EXOC4: variants seen among roughly 807,000 people sequenced by gnomAD.
The protein encoded by EXOC4 is exocyst complex component 4, also known as SEC8-like 1.
In EXOC4, 71 loss-of-function variants were observed where a neutral mutation model predicts 107.2. That is an observed-to-expected ratio of 0.66 (90% CI 0.55 to 0.81). The LOEUF is 0.81. Ranked by LOEUF, EXOC4 falls within the 30% of genes least tolerant of loss-of-function variation. The pLI, the probability that EXOC4 is intolerant of heterozygous loss-of-function variation, is 0.00. For synonymous variants in EXOC4, 456 were observed against 441.2 expected (o/e 1.03, Z -0.42); for missense variants, 1,108 against 1,189.6 (o/e 0.93, Z 1.01).
chr7:133,350,827 G>C (rs929895702), intron 5 of EXOC4, among the ~76,000 whole-genome samples: 3 of 151,814 alleles, frequency 2.0e-5, no homozygotes, highest in African/African-American at 7.3e-5. Flanking sequence ...GTGCACATGG[G>C]ATGCGTTTCC....
At chr7:133,827,369 G>A (rs1797726553) in intron 11 of EXOC4, among the ~76,000 whole-genome samples, 1 of 152,048 alleles carries the variant, frequency 6.6e-6, no homozygotes, top group African/African-American at 2.4e-5. Flanking sequence ...AAAGAAACAG[G>A]ATCTCATCTG....
At chr7:133,698,209 G>C (rs1562913062) in intron 10 of EXOC4, among the ~76,000 whole-genome samples, 1 of 152,068 alleles carries the variant, frequency 6.6e-6, no homozygotes, top group Non-Finnish European at 1.5e-5. Flanking sequence ...TCCGCGGCGG[G>C]GGTGGTGGTG....
chr7:133,968,566 C>G (rs1394254244), intron 14 of EXOC4, among the ~76,000 whole-genome samples: 2 of 152,164 alleles, frequency 1.3e-5, no homozygotes, highest in Admixed American at 1.3e-4. Flanking sequence ...ATTTGCTTGT[C>G]TGTAAAGGAT....
chr7:133,704,317 A>G (rs558455529), intron 10 of EXOC4, among the ~76,000 whole-genome samples: 4 of 152,270 alleles, frequency 2.6e-5, no homozygotes, highest in Admixed American at 6.5e-5. Context: ...TATCACTTTC[A>G]GCATGGAACT....
intron 11 of EXOC4, among the ~76,000 whole-genome samples, chr7:133,885,504 G>T (rs965841077): frequency 6.6e-5 from 10 of 152,252 alleles, no homozygotes; most frequent in African/African-American, 2.2e-4. Context: ...ACCTTGCAAG[G>T]TGTTAGAGAT....
At chr7:133,773,385 C>T (rs570839129) in intron 10 of EXOC4, among the ~76,000 whole-genome samples, 1 of 152,050 alleles carries the variant, frequency 6.6e-6, no homozygotes, top group African/African-American at 2.4e-5. Flanking sequence ...TAATGCCCTT[C>T]TGTCAATTCC....
At chr7:133,823,843 TTATATATATATATATATA>T (rs869279764) in intron 11 of EXOC4, among the ~76,000 whole-genome samples, 27 of 18,702 alleles carry the variant, frequency 1.4e-3, no homozygotes, top group African/African-American at 0.012. Flanking sequence ...TATATATATA[TTATATATATATATATATA>T]TATATATATA....
rs535020522 is a variant in EXOC4, at chr7:133,588,344, C to T, written c.1418-41701C>T. On this transcript the variant is annotated intron_variant, in intron 9 of 17. Transcript: ENST00000253861. ...TCTCCCCAGGGTTTCCCATTTCACCCTTTAAAAATATTAAATGATATCCTA... is the reference window on the plus strand; with the variant it reads ...TCTCCCCAGGGTTTCCCATTTCACCTTTTAAAAATATTAAATGATATCCTA... Among the ~76,000 whole-genome samples, 3 of 152,256 alleles carry T rather than the reference C, an allele frequency of 2.0e-5. No individual in the cohort carries two copies. The South Asian group carries it at 6.2e-4, about 32-fold the overall frequency.
At chr7:133,933,707 G>A (rs911886973) in intron 13 of EXOC4, among the ~76,000 whole-genome samples, 1 of 152,130 alleles carries the variant, frequency 6.6e-6, no homozygotes, top group Non-Finnish European at 1.5e-5. Context: ...TGTGTCTTCC[G>A]CAAGCCTGGA....
intron 4 of EXOC4, among the ~76,000 whole-genome samples, chr7:133,311,825 T>G (rs942243030): frequency 6.6e-6 from 1 of 152,128 alleles, no homozygotes; most frequent in Admixed American, 6.6e-5. Flanking sequence ...AAAATACAAA[T>G]GGCTAATAAA....
chr7:133,479,327 A>G (rs1799098084), intron 8 of EXOC4: 1 of 151,958 alleles, frequency 6.6e-6, no homozygotes, highest in African/African-American at 2.4e-5. Flanking sequence ...GGTTTTAGAA[A>G]CCTGTTCTTT....
At chr7:133,356,098 A>G (rs1281111266) in intron 5 of EXOC4, among the ~76,000 whole-genome samples, 1 of 152,174 alleles carries the variant, frequency 6.6e-6, no homozygotes, top group Non-Finnish European at 1.5e-5. Context: ...TGATTTGTTT[A>G]CTAATTTTTA....
At chr7:133,480,604 G>A (rs2150859647) in intron 9 of EXOC4, 1 of 222,322 alleles carries the variant, frequency 4.5e-6, no homozygotes, top group Non-Finnish European at 7.9e-6. Context: ...TAACTGTGAT[G>A]AACAGGCTAT....
intron 9 of EXOC4, among the ~76,000 whole-genome samples, chr7:133,537,187 G>A (rs1800286265): frequency 6.6e-6 from 1 of 150,920 alleles, no homozygotes; most frequent in Admixed American, 6.6e-5. Context: ...GTCTCACTCT[G>A]TCGCCCAAGC....
At chr7:133,486,275 C>T (rs907499416) in intron 9 of EXOC4, among the ~76,000 whole-genome samples, 1 of 151,888 alleles carries the variant, frequency 6.6e-6, no homozygotes, top group Admixed American at 6.6e-5. Flanking sequence ...GGGTGTCTTG[C>T]CTTAAGAAAA....
chr7:134,066,958 C>G (rs1563111452), downstream of EXOC4, among the ~76,000 whole-genome samples: 1 of 152,068 alleles, frequency 6.6e-6, no homozygotes, highest in South Asian at 2.1e-4. Context: ...CGAGACCAGC[C>G]TGGCCAACAT....
At chr7:133,593,691 C>G (rs1053210949) in intron 9 of EXOC4, among the ~76,000 whole-genome samples, 1 of 152,194 alleles carries the variant, frequency 6.6e-6, no homozygotes, top group Non-Finnish European at 1.5e-5. Flanking sequence ...ATAATCCTTT[C>G]CTCCACTTGT....
chr7:133,404,880 C>G (rs1164748745), intron 7 of EXOC4, among the ~76,000 whole-genome samples: 1 of 56,028 alleles, frequency 1.8e-5, no homozygotes, highest in Admixed American at 2.1e-4. Context: ...CGCCCCCCCC[C>G]CCAATACACA....
chr7:133,579,825 T>A (rs548024425), intron 9 of EXOC4, among the ~76,000 whole-genome samples: 1 of 152,250 alleles, frequency 6.6e-6, no homozygotes, highest in Non-Finnish European at 1.5e-5. Context: ...TAGCTGGGAC[T>A]ACAGGCACGC....
Sources: allele counts gnomAD v4.1 joint callset (sites outside exome capture counted in the v4.1 genomes callset), GRCh38; gene constraint gnomAD v4.1.1; transcripts MANE v1.5; gene names NCBI Gene and HGNC (gene_info 2026-07-23, HGNC 2026-07-21).